The following EHMT2 variants were observed in gnomAD, a reference collection of about 807,000 sequenced individuals.
EHMT2 encodes the protein euchromatic histone lysine methyltransferase 2.
EHMT2 carries 59 observed loss-of-function variants against 143.3 expected under a neutral mutation model. The ratio of observed to expected loss-of-function variants is 0.41; its 90% CI spans 0.33 to 0.51. EHMT2 has a LOEUF of 0.51. Among genes scored for constraint, EHMT2 ranks in the 20% least tolerant of loss-of-function variants. The probability of loss-of-function intolerance (pLI) is 0.18; values close to 1 mark genes in which losing one functional copy is unlikely to be tolerated. For missense variants in EHMT2, 1,174 were observed against 1,645.9 expected, an observed-to-expected ratio of 0.71 and a Z score of 4.96; for synonymous variants, 604 against 651.5, an observed-to-expected ratio of 0.93 and a Z score of 1.11.
rs1444416445 is a variant in EHMT2 at position 31,881,324 on chromosome 6, G to A, written c.3198-232C>T. The A allele has an allele frequency of 1.3e-5, 8 of 601,394 alleles. No individual in the cohort carries two copies. The highest frequency in any genetic ancestry group is 2.4e-5 in the Non-Finnish European group (8 of 336,308). 37.3% of individuals were successfully genotyped at this position (601,394 alleles called of 1,614,324 possible). ...CAGACAACAAGCTCTGTGGTTAAGG[G>A]GATTAATGTGTAGGGGCAGTTGGCC... On this transcript the variant is annotated intron_variant, in intron 25 of 27. Coordinates refer to ENST00000375537, the Ensembl canonical transcript of EHMT2. This position sits in a 1 kb window ranked among gnomAD's most constrained non-coding sequence, Gnocchi z 4.8.
chr6:31,893,386 C>G, intron 4 of EHMT2: 1 of 447,720 alleles, frequency 2.2e-6, no homozygotes, highest in South Asian at 1.6e-5. Context: ...AGTGGCATGA[C>G]TATGGCTCAC....
intron 5 of EHMT2, 33 bp downstream of exon 5, chr6:31,892,793 A>G (rs769204295): frequency 6.2e-7 from 1 of 1,611,458 alleles, no homozygotes; most frequent in South Asian, 1.1e-5. Context: ...AACAGACCAC[A>G]TCAAGCCACC....
rs769359543 is a variant in EHMT2, at chr6:31,883,764, C to T, written c.2916+42G>A. 1.1e-5 allele frequency: 17 copies of T among 1,603,428 alleles called. No individual in the cohort carries two copies. The highest frequency in any genetic ancestry group is 1.4e-5 in the Non-Finnish European group (17 of 1,174,368). ...AAGCTTGTCCAACTGTACTTGGCAG[C>T]TCTCGGTGTCCTTTTGGGGAGGCCC... On this transcript the variant is annotated intron_variant, in intron 22 of 27. Coordinates refer to ENST00000375537, the Ensembl canonical transcript of EHMT2. The surrounding 1 kb of genome is among the most constrained non-coding windows in gnomAD (Gnocchi z 5.6).
chr6:31,896,823 A>G, exon 3 of EHMT2: 2 of 1,612,880 alleles, frequency 1.2e-6, no homozygotes, highest in Non-Finnish European at 1.7e-6. Context: ...AAGAGCCATG[A>G]ACTGTAGAGG....
At chr6:31,896,745 G>A in exon 3 of EHMT2, 2 of 1,613,002 alleles carry the variant, frequency 1.2e-6, no homozygotes, top group Non-Finnish European at 1.7e-6. Context: ...GAGATGAGGG[G>A]CCAGCAGGCT....
chr6:31,895,080 A>T (rs1336208665), intron 4 of EHMT2, among the ~76,000 whole-genome samples: 1 of 152,254 alleles, frequency 6.6e-6, no homozygotes, highest in African/African-American at 2.4e-5. Context: ...TGTTTATCAT[A>T]GTGAGAAAGG....
rs1011156378 is a variant in EHMT2 at position 31,885,152 on chromosome 6, G to A, written c.2344-136C>T. ...TGGGACCCTGGGTAAGTCACTTAAC[G>A]TCTCTGGGTCGCAGTTTCTTCATCT... On this transcript the variant is annotated intron_variant, in intron 18 of 27. Coordinates refer to ENST00000375537, the Ensembl canonical transcript of EHMT2. The A allele has an allele frequency of 1.0e-5, 12 of 1,200,802 alleles. No homozygotes were observed. In the African/African-American group the frequency reaches 1.1e-4, roughly 11 times the overall value. The allele number at this position is 1,200,802 out of a possible 1,614,324, so 74.4% of individuals were successfully genotyped here.
chr6:31,887,721 C>G, intron 14 of EHMT2, 58 bp downstream of exon 14: 1 of 1,607,242 alleles, frequency 6.2e-7, no homozygotes, highest in South Asian at 1.1e-5. Flanking sequence ...GCATCAGCCT[C>G]GACACCACTC....
Position 31,888,321 on chromosome 6 carries a change from T to C in EHMT2, c.1509+42A>G. 5.6e-6 allele frequency: 9 copies of C among 1,611,768 alleles called. No homozygotes were observed. Among genetic ancestry groups the C allele is most frequent in the Non-Finnish European group, 7.6e-6 (9 of 1,179,226 alleles). ...ATGGTCAGGTTACTGGGGCCCCCTC[T>C]GCCACAGGGCATGCTACCTGTCTGC... On this transcript the variant is annotated intron_variant, in intron 12 of 27. Coordinates refer to ENST00000375537, the Ensembl canonical transcript of EHMT2. The surrounding 1 kb of genome is among the most constrained non-coding windows in gnomAD (Gnocchi z 7.4).
At chr6:31,890,926 G>T in intron 7 of EHMT2, among the ~76,000 whole-genome samples, 1 of 151,526 alleles carries the variant, frequency 6.6e-6, no homozygotes, top group Non-Finnish European at 1.5e-5. Flanking sequence ...AATACTGAGA[G>T]AGACCTAAGA....
chr6:31,888,863 G>C lies in EHMT2; in HGVS notation c.1216+106C>G. ...CCCGCCATGCCCCAGAACCCCTAAA[G>C]CCTGGCCATGGACACCCCGGCTCTG... On this transcript the variant is annotated intron_variant, in intron 10 of 27. Transcript: ENST00000375537. This position sits in a 1 kb window ranked among gnomAD's most constrained non-coding sequence, Gnocchi z 7.4. 1 of 1,472,654 alleles carries C rather than the reference G, an allele frequency of 6.8e-7. No homozygotes were observed. Among genetic ancestry groups the C allele is most frequent in the Non-Finnish European group, 9.2e-7 (1 of 1,081,150 alleles). 91.2% of individuals were successfully genotyped at this position (1,472,654 alleles called of 1,614,324 possible).
chr6:31,897,555 C>T (rs1266211168), intron 1 of EHMT2, 81 bp downstream of exon 1: 25 of 1,092,128 alleles, frequency 2.3e-5, no homozygotes, highest in South Asian at 4.4e-5. Flanking sequence ...CCCGTTGCAC[C>T]CCCGGAGCAT....
chr6:31,889,083 C>T lies in EHMT2; in HGVS notation c.1115-13G>A. 6.3e-7 allele frequency: 1 copy of T among 1,595,740 alleles called. No individual in the cohort carries two copies. Among genetic ancestry groups the T allele is most frequent in the Non-Finnish European group, 8.5e-7 (1 of 1,171,318 alleles). ...ACACCATTCACTCCTGACACAGAGA[C>T]AGAGAGAGTGAGAGTGCGAGCTCAC... On this transcript the variant is annotated splice_polypyrimidine_tract_variant and intron_variant, in intron 9 of 27. Transcript: ENST00000375537. The surrounding 1 kb of genome is among the most constrained non-coding windows in gnomAD (Gnocchi z 5.1).
At chr6:31,887,186 C>T in intron 15 of EHMT2, 85 bp from the exon 16 acceptor site, 1 of 1,155,038 alleles carries the variant, frequency 8.7e-7, no homozygotes, top group Non-Finnish European at 1.2e-6. Context: ...TTCAGGAAGG[C>T]TTCTCAGGGC....
chr6:31,887,413 C>A (rs1280628274), intron 15 of EHMT2, among the ~76,000 whole-genome samples, 164 bp downstream of exon 15: 1 of 152,230 alleles, frequency 6.6e-6, no homozygotes, highest in East Asian at 1.9e-4. Context: ...CTATGAGTCA[C>A]CACATCCCCA....
exon 2 of EHMT2, chr6:31,896,932 T>G: frequency 6.3e-7 from 1 of 1,597,732 alleles, no homozygotes; most frequent in East Asian, 2.2e-5. Context: ...CCTCTCTCGG[T>G]GGCTCCTCTG....
chr6:31,896,999 G>A lies in EHMT2; in HGVS notation c.43-10C>T. Reference sequence around the variant, plus strand: ...CAGCGGGGGCCTCCCCCTGGGAGGGGAGACAAGGGACAGGAGGGCTGGTCA... The same window carrying A: ...CAGCGGGGGCCTCCCCCTGGGAGGGAAGACAAGGGACAGGAGGGCTGGTCA... On this transcript the variant is annotated splice_polypyrimidine_tract_variant and intron_variant, in intron 1 of 27. Coordinates refer to ENST00000375537, the Ensembl canonical transcript of EHMT2. 6.4e-7 allele frequency: 1 copy of A among 1,560,752 alleles called. No individual in the cohort carries two copies.
In EHMT2 at chr6:31,882,756, T is replaced by C; in HGVS notation, c.3140A>G (p.Lys1047Arg). Residue 1047 changes from lysine to arginine, a missense_variant, in exon 25 of 28, where the codon AAG (lysine) becomes AGG (arginine). Transcript: ENST00000375537. Reference sequence around the variant, plus strand: ...CAGGGCGCGGACCCCCCAGCCCATCTTGGCTGTTCGGTAGAGCTGTAGCCG... The same window carrying C: ...CAGGGCGCGGACCCCCCAGCCCATCCTGGCTGTTCGGTAGAGCTGTAGCCG... 4.3e-6 allele frequency: 7 copies of C among 1,612,708 alleles called. No individual in the cohort carries two copies. The South Asian group carries it at 6.6e-5, about 15-fold the overall frequency.
In EHMT2 at chr6:31,881,144, T is replaced by C; in HGVS notation, c.3198-52A>G. ...AAGGTGAGTGTGGGCTATTAGGAGG[T>C]GGCTCCAGGCCCCATCTCTCTTCAC... On this transcript the variant is annotated intron_variant, in intron 25 of 27. Transcript: ENST00000375537. The surrounding 1 kb of genome is among the most constrained non-coding windows in gnomAD (Gnocchi z 4.8). The C allele has an allele frequency of 5.3e-6, 8 of 1,506,426 alleles. No individual in the cohort carries two copies. The highest frequency in any genetic ancestry group is 7.4e-6 in the Non-Finnish European group (8 of 1,084,324). The allele number at this position is 1,506,426 out of a possible 1,614,324, so 93.3% of individuals were successfully genotyped here.
Sources: allele counts gnomAD v4.1 joint callset (sites outside exome capture counted in the v4.1 genomes callset), GRCh38; gene constraint gnomAD v4.1.1; non-coding constraint Gnocchi (gnomAD v3.1); transcripts MANE v1.5; gene names NCBI Gene and HGNC (gene_info 2026-07-23, HGNC 2026-07-21).